INPP5D: variants seen among roughly 807,000 people sequenced by gnomAD.
INPP5D encodes inositol polyphosphate-5-phosphatase D.
INPP5D carries 33 observed loss-of-function variants against 122.9 expected under a neutral mutation model. The observed-to-expected ratio is 0.27, with a 90% CI of 0.20 to 0.36. The LOEUF is 0.36. Among genes scored for constraint, INPP5D ranks in the 10% least tolerant of loss-of-function variants. The probability of loss-of-function intolerance (pLI) is 1.00; values close to 1 mark genes in which losing one functional copy is unlikely to be tolerated. For synonymous variants in INPP5D, 584 were observed against 576.2 expected, an observed-to-expected ratio of 1.01 and a Z score of -0.19; for missense variants, 1,053 against 1,412.7, an observed-to-expected ratio of 0.75 and a Z score of 4.08.
rs1479391455 is a variant in INPP5D at position 233,094,093 on chromosome 2, CCT to C, written c.198+14697_198+14698del. ...GTCACAGAGCACTTAGAATACACCC[CCT>C]CCCCCCCCAAAAAAGAGAATGTCCT... On this transcript the variant is annotated intron_variant, in intron 2 of 26. Coordinates refer to ENST00000445964, the MANE Select transcript of INPP5D (RefSeq NM_001017915.3). Among the ~76,000 whole-genome samples the C allele has an allele frequency of 6.6e-3, 992 of 150,884 alleles. 14 individuals carry two copies. Among genetic ancestry groups the C allele is most frequent in the African/African-American group, 0.023 (949 of 40,392 alleles).
intron 2 of INPP5D, among the ~76,000 whole-genome samples, chr2:233,120,164 T>C (rs1363993062): frequency 6.6e-6 from 1 of 152,224 alleles, no homozygotes; most frequent in East Asian, 1.9e-4. Flanking sequence ...ACTCCAAGGA[T>C]GGCGCCTTCT....
chr2:233,147,697 C>T lies in INPP5D; in HGVS notation c.1030+103C>T, dbSNP rs542647377. The stretch of plus-strand genomic sequence containing the variant: ...AGGCCTGCCCTGCAGGTCTGTCTTC[C>T]GCACGCATGCGCGCCTGCGCTCATG... On this transcript the variant is annotated intron_variant, in intron 9 of 26. Coordinates refer to ENST00000445964, the MANE Select transcript of INPP5D (RefSeq NM_001017915.3). 507 of 657,120 alleles carry T rather than the reference C, an allele frequency of 7.7e-4. 6 individuals carry two copies. The highest frequency in any genetic ancestry group is 5.9e-3 in the South Asian group (358 of 61,044). The allele number at this position is 657,120 out of a possible 1,614,324, so 40.7% of individuals were successfully genotyped here. A position where few individuals can be genotyped will look rare whatever the true frequency, so the allele number is the denominator to read the frequency against.
chr2:233,144,658 G>A (rs1693709110), intron 6 of INPP5D, among the ~76,000 whole-genome samples: 2 of 117,862 alleles, frequency 1.7e-5, no homozygotes, highest in Admixed American at 8.5e-5. Flanking sequence ...TGATGGGGTA[G>A]AGATGGTGGT....
In INPP5D at chr2:233,204,721, C is replaced by T. The variant is rs1009089077; in HGVS notation, c.3567+4C>T. ...TCTAGGCAGGACTGCCATGCAGGTGCGCTGCGCCACACGTGGGTTCGTGTG... is the reference window on the plus strand; with the variant it reads ...TCTAGGCAGGACTGCCATGCAGGTGTGCTGCGCCACACGTGGGTTCGTGTG... On this transcript the variant is annotated splice_donor_region_variant and intron_variant, in intron 26 of 26. Coordinates refer to ENST00000445964, the MANE Select transcript of INPP5D (RefSeq NM_001017915.3). The T allele has an allele frequency of 2.7e-6, 4 of 1,499,430 alleles. No homozygotes were observed. Among genetic ancestry groups the T allele is most frequent in the African/African-American group, 1.4e-5 (1 of 71,892 alleles). The allele number at this position is 1,499,430 out of a possible 1,614,324, so 92.9% of individuals were successfully genotyped here.
chr2:233,144,213 A>AGAT (rs1693688496), intron 6 of INPP5D, among the ~76,000 whole-genome samples: 1 of 123,086 alleles, frequency 8.1e-6, no homozygotes, highest in Non-Finnish European at 1.7e-5. Context: ...GTAGGGGTGG[A>AGAT]GGTGGTGGTA....
intron 2 of INPP5D, among the ~76,000 whole-genome samples, chr2:233,097,548 C>G (rs1387394205): frequency 6.6e-6 from 1 of 152,126 alleles, no homozygotes; most frequent in African/African-American, 2.4e-5. Context: ...TGCTCTGTTA[C>G]TGAGTGTGAT....
intron 2 of INPP5D, among the ~76,000 whole-genome samples, chr2:233,121,672 C>T (rs910779864): frequency 1.6e-4 from 25 of 151,630 alleles, no homozygotes; most frequent in South Asian, 6.2e-4. Flanking sequence ...CCTGCCACCA[C>T]GCCCGGCTAA....
intron 13 of INPP5D, among the ~76,000 whole-genome samples, chr2:233,165,718 C>T (rs562371592): frequency 1.0e-3 from 154 of 152,070 alleles, no homozygotes; most frequent in African/African-American, 3.3e-3. Flanking sequence ...GTGTACCACC[C>T]CATATCTATG....
chr2:233,186,361 G>A (rs762760729), intron 21 of INPP5D, among the ~76,000 whole-genome samples: 13 of 152,130 alleles, frequency 8.5e-5, no homozygotes, highest in Non-Finnish European at 1.9e-4. Flanking sequence ...GTACAAAGAG[G>A]CATAGAGAGG....
intron 17 of INPP5D, 182 bp downstream of exon 17, chr2:233,171,334 T>C: frequency 1.2e-6 from 1 of 823,434 alleles, no homozygotes; most frequent in Non-Finnish European, 1.8e-6. Flanking sequence ...GTGCACTGCT[T>C]TGAGCTGGGA....
At chr2:233,069,876 A>G (rs1691328745) in intron 1 of INPP5D, among the ~76,000 whole-genome samples, 1 of 152,186 alleles carries the variant, frequency 6.6e-6, no homozygotes, top group Non-Finnish European at 1.5e-5. Flanking sequence ...GAGGGACAGG[A>G]ATGTTTTTAA....
intron 1 of INPP5D, among the ~76,000 whole-genome samples, chr2:233,070,120 G>A (rs1346154556): frequency 1.3e-5 from 2 of 152,138 alleles, no homozygotes; most frequent in African/African-American, 2.4e-5. Context: ...TCCCTCTTTC[G>A]TGAATGGTCT....
rs751884029 is a variant in INPP5D at position 233,078,970 on chromosome 2, C to T, written c.135-365C>T. ...TGCTGGGATTACAGGCGTGAGCCAC[C>T]GTGCCTGGCCTGCAAGCACCCACTC... On this transcript the variant is annotated intron_variant, in intron 1 of 26. Transcript: ENST00000445964. The surrounding 1 kb of genome is among the most constrained non-coding windows in gnomAD (Gnocchi z 4.6). 6.6e-5 allele frequency among the ~76,000 whole-genome samples: 10 copies of T among 152,078 alleles called. No homozygotes were observed. Among genetic ancestry groups the T allele is most frequent in the Non-Finnish European group, 1.3e-4 (9 of 67,996 alleles).
intron 25 of INPP5D, among the ~76,000 whole-genome samples, chr2:233,201,431 G>A (rs1048035002): frequency 1.3e-5 from 2 of 152,218 alleles, no homozygotes; most frequent in Admixed American, 1.3e-4. Flanking sequence ...GCCATCCACG[G>A]GCAAGGGGCC....
intron 14 of INPP5D, 106 bp downstream of exon 14, chr2:233,169,507 T>A (rs1694434417): frequency 4.7e-6 from 7 of 1,495,642 alleles, no homozygotes; most frequent in Non-Finnish European, 3.6e-6. Flanking sequence ...GCCTTTGACC[T>A]TGTGGATGTC....
chr2:233,151,112 C>A (rs1243305038), intron 9 of INPP5D, among the ~76,000 whole-genome samples: 1 of 152,082 alleles, frequency 6.6e-6, no homozygotes, highest in African/African-American at 2.4e-5. Flanking sequence ...TTTGTGGAAA[C>A]AGATCAGGGA....
intron 9 of INPP5D, among the ~76,000 whole-genome samples, chr2:233,152,746 C>T (rs575342227): frequency 2.6e-5 from 4 of 152,266 alleles, no homozygotes; most frequent in African/African-American, 9.6e-5. Context: ...GGCTGGGCGG[C>T]CAGGACTCAG....
At chr2:233,061,916 G>A (rs1691086578) in intron 1 of INPP5D, among the ~76,000 whole-genome samples, 1 of 152,240 alleles carries the variant, frequency 6.6e-6, no homozygotes, top group East Asian at 1.9e-4. Flanking sequence ...GTCAGCTGGG[G>A]CACTGGAAAC....
At chr2:233,143,817 T>A (rs1177388445) in intron 6 of INPP5D, among the ~76,000 whole-genome samples, 1 of 151,546 alleles carries the variant, frequency 6.6e-6, no homozygotes, top group South Asian at 2.1e-4. Flanking sequence ...GTGGAGATGG[T>A]GGTGGTGATG....
Sources: gnomAD v4.1 joint callset for allele counts (sites outside exome capture counted in the v4.1 genomes callset) on GRCh38, gnomAD v4.1.1 for gene constraint, Gnocchi (gnomAD v3.1) non-coding constraint, MANE v1.5 for transcripts, NCBI Gene and HGNC (gene_info 2026-07-23, HGNC 2026-07-21) for gene names.